CNTNAP2: variants seen among roughly 807,000 people sequenced by gnomAD.
CNTNAP2 encodes the protein contactin associated protein 2.
In CNTNAP2, 98 loss-of-function variants were observed where a neutral mutation model predicts 155.2. The ratio of observed to expected loss-of-function variants is 0.63; its 90% CI spans 0.54 to 0.75. The LOEUF (loss-of-function observed/expected upper bound fraction) is 0.75, where lower values mean the gene tolerates loss of function less well. CNTNAP2 is among the 30% of genes least tolerant of loss of function. The pLI is 0.00. For synonymous variants in CNTNAP2, 651 were observed against 631.2 expected (o/e 1.03, Z -0.47); for missense variants, 1,727 against 1,688.1 (o/e 1.02, Z -0.40).
chr7:146,769,880 A>G (rs1286128706), intron 1 of CNTNAP2, among the ~76,000 whole-genome samples: 1 of 152,094 alleles, frequency 6.6e-6, no homozygotes, highest in Non-Finnish European at 1.5e-5. Context: ...TACAAAAGCA[A>G]TCTGTGGGCT....
intron 8 of CNTNAP2, among the ~76,000 whole-genome samples, chr7:147,195,485 G>A (rs1364550291): frequency 6.6e-6 from 1 of 152,012 alleles, no homozygotes; most frequent in African/African-American, 2.4e-5. Flanking sequence ...TTTCATGGGA[G>A]TATCATTGAA....
intron 1 of CNTNAP2, among the ~76,000 whole-genome samples, chr7:146,334,643 C>A (rs1355114101): frequency 1.3e-5 from 2 of 151,936 alleles, no homozygotes; most frequent in African/African-American, 4.8e-5. Flanking sequence ...TTCTTTCTAC[C>A]TGTAGATATC....
At chr7:146,588,004 G>T (rs1584994854) in intron 1 of CNTNAP2, among the ~76,000 whole-genome samples, 1 of 129,956 alleles carries the variant, frequency 7.7e-6, no homozygotes, top group South Asian at 2.5e-4. Flanking sequence ...AACCGTGTGT[G>T]TATGTGTGTG....
chr7:147,692,059 A>C (rs1796094867), intron 13 of CNTNAP2, among the ~76,000 whole-genome samples: 2 of 152,060 alleles, frequency 1.3e-5, no homozygotes, highest in African/African-American at 4.8e-5. Context: ...TGATCTTTTT[A>C]CTGTTTCCAT....
intron 1 of CNTNAP2, among the ~76,000 whole-genome samples, chr7:146,616,762 C>G (rs1298532357): frequency 6.6e-6 from 1 of 152,166 alleles, no homozygotes; most frequent in Non-Finnish European, 1.5e-5. Context: ...CCCATTCATT[C>G]AAAATTTAAG....
chr7:146,579,099 A>T (rs1158049583), intron 1 of CNTNAP2, among the ~76,000 whole-genome samples: 1 of 151,850 alleles, frequency 6.6e-6, no homozygotes, highest in Non-Finnish European at 1.5e-5. Context: ...ATATAAAATC[A>T]CTCTCCCTAG....
intron 1 of CNTNAP2, among the ~76,000 whole-genome samples, chr7:146,697,033 A>C (rs1800793291): frequency 6.6e-6 from 1 of 152,084 alleles, no homozygotes; most frequent in Non-Finnish European, 1.5e-5. Flanking sequence ...TGCTGTTCTG[A>C]TTAACTATGT....
intron 18 of CNTNAP2, among the ~76,000 whole-genome samples, chr7:148,209,523 T>C (rs1424389466): frequency 6.6e-6 from 1 of 151,958 alleles, no homozygotes; most frequent in African/African-American, 2.4e-5. Context: ...CACCACCATC[T>C]ATCCAAAAAT....
intron 15 of CNTNAP2, among the ~76,000 whole-genome samples, chr7:148,108,037 C>T (rs142176059): frequency 9.6e-4 from 146 of 152,324 alleles, no homozygotes; most frequent in Middle Eastern, 3.4e-3. Context: ...GCGAGCCAAA[C>T]GCAGACTCTT....
At chr7:147,369,718 C>T (rs1796310545) in intron 9 of CNTNAP2, among the ~76,000 whole-genome samples, 1 of 152,174 alleles carries the variant, frequency 6.6e-6, no homozygotes, top group Non-Finnish European at 1.5e-5. Flanking sequence ...CAACAGATTG[C>T]ACTTGGCTTA....
At chr7:148,365,929 C>T (rs143986004) in intron 21 of CNTNAP2, among the ~76,000 whole-genome samples, 69 of 710 alleles carry the variant, frequency 0.097, 30 homozygotes, top group Non-Finnish European at 0.75. Context: ...TGTATACATG[C>T]GTGTATGCAT....
intron 1 of CNTNAP2, among the ~76,000 whole-genome samples, chr7:146,440,031 G>A (rs2129119155): frequency 6.6e-6 from 1 of 151,690 alleles, no homozygotes; most frequent in African/African-American, 2.4e-5. Flanking sequence ...AGCTGTGGCA[G>A]GAGAATCGCT....
chr7:146,971,171 A>G (rs892610405), intron 3 of CNTNAP2, among the ~76,000 whole-genome samples: 1 of 151,966 alleles, frequency 6.6e-6, no homozygotes, highest in Non-Finnish European at 1.5e-5. Context: ...ACTAACCTGC[A>G]CATTGGTCAC....
intron 1 of CNTNAP2, among the ~76,000 whole-genome samples, chr7:146,393,294 C>A (rs1488469225): frequency 6.6e-6 from 1 of 151,996 alleles, no homozygotes; most frequent in Non-Finnish European, 1.5e-5. Context: ...CAGTTTTCAC[C>A]CTGAAAGTGT....
At chr7:147,628,762 A>T (rs190841775) in intron 12 of CNTNAP2, among the ~76,000 whole-genome samples, 1 of 152,034 alleles carries the variant, frequency 6.6e-6, no homozygotes, top group South Asian at 2.1e-4. Context: ...ACATAAACTT[A>T]AGGTAAAGGG....
chr7:146,766,539 A>G (rs568916535), intron 1 of CNTNAP2, among the ~76,000 whole-genome samples: 27 of 152,284 alleles, frequency 1.8e-4, no homozygotes, highest in Non-Finnish European at 3.4e-4. Context: ...CTAGACTTCA[A>G]AAGCACAGGC....
chr7:147,854,912 C>A (rs116956416), intron 13 of CNTNAP2, among the ~76,000 whole-genome samples: 4,946 of 151,958 alleles, frequency 0.033, 134 homozygotes, highest in Non-Finnish European at 0.052. Flanking sequence ...GCTCTCAGTA[C>A]AAAATACATA....
At chr7:146,414,594 C>T (rs1795910872) in intron 1 of CNTNAP2, among the ~76,000 whole-genome samples, 1 of 152,058 alleles carries the variant, frequency 6.6e-6, no homozygotes, top group African/African-American at 2.4e-5. Context: ...CTGGCCTGAT[C>T]CTATTGTTAT....
chr7:146,184,919 T>G (rs1278188738), intron 1 of CNTNAP2, among the ~76,000 whole-genome samples: 1 of 152,136 alleles, frequency 6.6e-6, no homozygotes, highest in Non-Finnish European at 1.5e-5. Context: ...ATTTTACAAG[T>G]GTCACTATCT....
Sources: allele counts gnomAD v4.1 joint callset (sites outside exome capture counted in the v4.1 genomes callset), GRCh38; gene constraint gnomAD v4.1.1; transcripts MANE v1.5; gene names NCBI Gene and HGNC (gene_info 2026-07-23, HGNC 2026-07-21).